PCDHGB4: variants seen among roughly 807,000 people sequenced by gnomAD.
PCDHGB4 encodes protocadherin gamma subfamily B, 4, also known as protocadherin gamma-B4.
A neutral mutation model predicts 60.5 loss-of-function variants in PCDHGB4; 38 were observed. The observed-to-expected ratio is 0.63, with a 90% CI of 0.48 to 0.82. The LOEUF is 0.82. PCDHGB4 is among the 40% of genes least tolerant of loss of function. PCDHGB4 has a pLI of 0.00. For missense variants in PCDHGB4, 1,109 were observed against 1,209.6 expected (o/e 0.92, Z 1.23); for synonymous variants, 456 against 509.7 (o/e 0.89, Z 1.42).
intron 1 of PCDHGB4, among the ~76,000 whole-genome samples, chr5:141,425,059 G>A (rs1056925377): frequency 3.3e-5 from 5 of 152,110 alleles, no homozygotes; most frequent in Non-Finnish European, 7.4e-5. Flanking sequence ...CTAGGGCTCG[G>A]ACAAAAATAA....
At chr5:141,403,831 G>T (rs1207086715) in intron 1 of PCDHGB4, 1 of 1,613,760 alleles carries the variant, frequency 6.2e-7, no homozygotes. Context: ...TGCTATTCCA[G>T]CTTAATGAAA....
chr5:141,393,565 T>G, intron 1 of PCDHGB4: 1 of 1,613,912 alleles, frequency 6.2e-7, no homozygotes, highest in Non-Finnish European at 8.5e-7. Context: ...CGAGTGAAAG[T>G]CCTTGAGAAC....
chr5:141,470,870 G>GT (rs1230952624), intron 1 of PCDHGB4, among the ~76,000 whole-genome samples: 1 of 151,546 alleles, frequency 6.6e-6, no homozygotes, highest in Non-Finnish European at 1.5e-5. Context: ...TTGTTTGTTT[G>GT]TTTTTTTGTT....
chr5:141,425,127 A>G (rs1353123394), intron 1 of PCDHGB4, among the ~76,000 whole-genome samples: 2 of 152,208 alleles, frequency 1.3e-5, no homozygotes, highest in Non-Finnish European at 2.9e-5. Flanking sequence ...CTTGAAGTCA[A>G]GAAAAATGTT....
chr5:141,409,720 A>C (rs2095305667), intron 1 of PCDHGB4: 1 of 1,613,176 alleles, frequency 6.2e-7, no homozygotes, highest in Non-Finnish European at 8.5e-7. Context: ...CATACGTGTC[A>C]GTGAGCGCGC....
chr5:141,393,113 G>T (rs1296597974), intron 1 of PCDHGB4: 1 of 1,613,500 alleles, frequency 6.2e-7, no homozygotes. Context: ...CTCAGAGCCC[G>T]CGGTGTCTGA....
chr5:141,415,203 G>C (rs2095843560), intron 1 of PCDHGB4: 24 of 1,614,032 alleles, frequency 1.5e-5, no homozygotes, highest in Non-Finnish European at 2.0e-5. Flanking sequence ...CCCAAGTCCT[G>C]GCGGACCTCG....
intron 1 of PCDHGB4, chr5:141,413,430 C>T (rs745782366): frequency 6.2e-7 from 1 of 1,614,078 alleles, no homozygotes; most frequent in Admixed American, 1.7e-5. Context: ...ACCCGCGCAG[C>T]GGCAGCTTGA....
chr5:141,453,701 AAC>A (rs1250174252), intron 1 of PCDHGB4, among the ~76,000 whole-genome samples: 1 of 152,240 alleles, frequency 6.6e-6, no homozygotes, highest in Non-Finnish European at 1.5e-5. Context: ...CCTGGCTTTG[AAC>A]AGTTTCACTA....
chr5:141,476,672 A>T lies in PCDHGB4; in HGVS notation c.2398-18135A>T. 6.2e-7 allele frequency: 1 copy of T among 1,614,206 alleles called. No individual in the cohort carries two copies. Among genetic ancestry groups the T allele is most frequent in the African/African-American group, 1.3e-5 (1 of 75,058 alleles). ...TGAATACTTTGCGCTTCGCGTGCAG[A>T]CGCGGGAGGACAGCACCAAGTACGC... On this transcript the variant is annotated intron_variant, in intron 1 of 3. Transcript: ENST00000519479. The surrounding 1 kb of genome is among the most constrained non-coding windows in gnomAD (Gnocchi z 7.6).
At chr5:141,413,748 T>G (rs1264580781) in intron 1 of PCDHGB4, 1 of 1,613,288 alleles carries the variant, frequency 6.2e-7, no homozygotes, top group Admixed American at 1.7e-5. Flanking sequence ...GCCGTGCCAA[T>G]GGCGTCAAGT....
chr5:141,461,648 A>G (rs910827619), intron 1 of PCDHGB4, among the ~76,000 whole-genome samples: 2 of 152,070 alleles, frequency 1.3e-5, no homozygotes, highest in South Asian at 2.1e-4. Context: ...TCTTTGACCC[A>G]TGGATTATTT....
intron 1 of PCDHGB4, among the ~76,000 whole-genome samples, chr5:141,444,476 C>A (rs1228271706): frequency 6.6e-6 from 1 of 152,088 alleles, no homozygotes; most frequent in Non-Finnish European, 1.5e-5. Flanking sequence ...CGGTCGCGTA[C>A]TGGATTTATA....
At chr5:141,460,134 T>TCAAAGA in intron 1 of PCDHGB4, among the ~76,000 whole-genome samples, 1 of 152,066 alleles carries the variant, frequency 6.6e-6, no homozygotes, top group South Asian at 2.1e-4. Flanking sequence ...AATATATATA[T>TCAAAGA]TCTTGATGTG....
chr5:141,397,512 A>G (rs1043730091), intron 1 of PCDHGB4, among the ~76,000 whole-genome samples: 1 of 152,242 alleles, frequency 6.6e-6, no homozygotes, highest in Non-Finnish European at 1.5e-5. Context: ...AATTGTTTCC[A>G]TAGCTAATAA....
intron 1 of PCDHGB4, chr5:141,405,444 G>C: frequency 7.2e-7 from 1 of 1,379,466 alleles, no homozygotes; most frequent in Non-Finnish European, 1.0e-6. Flanking sequence ...TTTTGAGACA[G>C]AGTCTTACTC....
At chr5:141,506,993 C>T (rs781663602) in intron 3 of PCDHGB4, 18 of 152,184 alleles carry the variant, frequency 1.2e-4, no homozygotes, top group Non-Finnish European at 1.8e-4. Context: ...TTCTCACACT[C>T]GACAGATGAG....
chr5:141,454,956 G>A (rs62379171), intron 1 of PCDHGB4, among the ~76,000 whole-genome samples: 5,077 of 149,940 alleles, frequency 0.034, 97 homozygotes, highest in Middle Eastern at 0.091. Context: ...TACAGGCGCC[G>A]GCCACCACGC....
At chr5:141,401,129 G>A (rs1327832164) in intron 1 of PCDHGB4, among the ~76,000 whole-genome samples, 3 of 152,168 alleles carry the variant, frequency 2.0e-5, no homozygotes, top group African/African-American at 7.2e-5. Context: ...GGATCACATG[G>A]TCAGGAGTTC....
Sources: gnomAD v4.1 joint callset for allele counts (sites outside exome capture counted in the v4.1 genomes callset) on GRCh38, gnomAD v4.1.1 for gene constraint, Gnocchi (gnomAD v3.1) non-coding constraint, MANE v1.5 for transcripts, NCBI Gene and HGNC (gene_info 2026-07-23, HGNC 2026-07-21) for gene names.